Variants in FAT3 observed in about 807,000 individuals in gnomAD.
FAT3 encodes the protein protocadherin Fat 3.
In FAT3, 95 loss-of-function variants were observed where a neutral mutation model predicts 310.2. That is an observed-to-expected ratio of 0.31 (90% CI 0.26 to 0.36). The LOEUF (loss-of-function observed/expected upper bound fraction) is 0.36. FAT3 is among the 10% of genes least tolerant of loss of function. FAT3 has a pLI of 1.00. For synonymous variants in FAT3, 2,314 were observed against 2,192.9 expected, an observed-to-expected ratio of 1.06 and a Z score of -1.54; for missense variants, 5,408 against 5,715.6, an observed-to-expected ratio of 0.95 and a Z score of 1.74.
At position 92,774,052 on chromosome 11, in the gene FAT3, G is replaced by T. The variant is rs1181617988; in HGVS notation, c.4207G>T (p.Asp1403Tyr). Residue 1403 changes from aspartate (D) to tyrosine (Y), a missense_variant, in exon 7 of 28, where the codon GAC becomes TAC. Asp to Tyr is a radical substitution (Grantham distance 160). This residue lies in a region of FAT3 where 4,588 missense variants were observed against 4,809.8 expected (regional missense o/e 0.95). Transcript: ENST00000525166. ...TGTGAAATCATCAGGGGGGAATTTT[G>T]ACAGCGCTTTTGATGCAGAGAAGGG... The part of the protein sequence containing the change: ...LWFDIVGGNF[D>Y]SAFDAEKGVG... 6.2e-7 allele frequency: 1 copy of T among 1,612,784 alleles called. No homozygotes were observed. Among genetic ancestry groups the T allele is most frequent in the Non-Finnish European group, 8.5e-7 (1 of 1,179,512 alleles).
intron 1 of FAT3, among the ~76,000 whole-genome samples, chr11:92,303,164 T>C (rs555913697): frequency 6.6e-6 from 1 of 152,312 alleles, no homozygotes; most frequent in South Asian, 2.1e-4. Flanking sequence ...GTTTTAAATC[T>C]GTGCTCATTC....
intron 2 of FAT3, among the ~76,000 whole-genome samples, chr11:92,451,101 T>C (rs1389868723): frequency 6.6e-6 from 1 of 152,170 alleles, no homozygotes; most frequent in Non-Finnish European, 1.5e-5. Context: ...GTTTAGGTGA[T>C]TTTGCAAAGT....
chr11:92,681,039 T>C (rs1484321049), intron 3 of FAT3, among the ~76,000 whole-genome samples: 1 of 152,184 alleles, frequency 6.6e-6, no homozygotes, highest in African/African-American at 2.4e-5. Context: ...GCTTCAGCAA[T>C]GTTTGGAAGT....
intron 3 of FAT3, among the ~76,000 whole-genome samples, chr11:92,583,327 C>T (rs1045191497): frequency 1.3e-5 from 2 of 152,014 alleles, no homozygotes; most frequent in African/African-American, 2.4e-5. Flanking sequence ...TTGTCTTTCC[C>T]TCCTTTCTGT....
chr11:92,878,648 AAAAAAAAAAAAAAAAAAAAG>A (rs997787407), intron 22 of FAT3, among the ~76,000 whole-genome samples: 9 of 130,774 alleles, frequency 6.9e-5, no homozygotes, highest in African/African-American at 3.0e-4. Context: ...AAAAAAAAAA[AAAAAAAAAAAAAAAAAAAAG>A]CTCCGCACAA....
At position 92,251,034 on chromosome 11, in the gene FAT3, A is replaced by G. The variant is rs183844873; in HGVS notation, c.-18+25860A>G. 2.4e-3 allele frequency among the ~76,000 whole-genome samples: 362 copies of G among 152,280 alleles called. 1 individual carries two copies. Among genetic ancestry groups the G allele is most frequent in the Non-Finnish European group, 3.8e-3 (257 of 68,016 alleles). ...GTGGATCAGTCAAATTCTATGGTAC[A>G]TGTGGTGTTTTCTTAGGATACTTTT... On this transcript the variant is annotated intron_variant, in intron 1 of 27. Transcript: ENST00000525166.
At chr11:92,424,416 A>G (rs1444561261) in intron 2 of FAT3, among the ~76,000 whole-genome samples, 1 of 152,144 alleles carries the variant, frequency 6.6e-6, no homozygotes, top group Non-Finnish European at 1.5e-5. Flanking sequence ...TGGTTCTCCT[A>G]TGGACCTTGC....
At chr11:92,758,248 G>A (rs1431295557) in intron 4 of FAT3, among the ~76,000 whole-genome samples, 1 of 152,142 alleles carries the variant, frequency 6.6e-6, no homozygotes, top group African/African-American at 2.4e-5. Flanking sequence ...AGGATTGAAT[G>A]GAGATCAACA....
intron 4 of FAT3, among the ~76,000 whole-genome samples, chr11:92,699,621 G>A (rs1463549893): frequency 2.0e-5 from 3 of 152,062 alleles, no homozygotes; most frequent in Non-Finnish European, 4.4e-5. Flanking sequence ...CATTTCCTTC[G>A]AGCATCATGT....
At chr11:92,293,060 GGAAGGAA>G (rs1946735114) in intron 1 of FAT3, among the ~76,000 whole-genome samples, 1 of 104,188 alleles carries the variant, frequency 9.6e-6, no homozygotes, top group Non-Finnish European at 2.2e-5. Flanking sequence ...AAGGAAGGAA[GGAAGGAA>G]GGAAGGAAGG....
rs1948600806 is a variant in FAT3 at position 92,352,697 on chromosome 11, C to T, written c.585C>T (p.Tyr195=). ...ADIGSNGEFY[Y]YFKNKVDLFS... ...TTGGTTCCAATGGAGAATTCTACTA[C>T]TACTTTAAAAATAAAGTTGATCTCT... The change falls in exon 2 of 28, where the codon TAC becomes TAT. Residue 195 remains tyrosine, a synonymous_variant. Transcript: ENST00000525166. The T allele has an allele frequency of 1.9e-6, 3 of 1,613,682 alleles. No individual in the cohort carries two copies. The highest frequency in any genetic ancestry group is 1.3e-5 in the African/African-American group (1 of 74,920).
intron 3 of FAT3, among the ~76,000 whole-genome samples, chr11:92,649,842 C>T (rs1426440715): frequency 2.2e-5 from 3 of 139,428 alleles, no homozygotes; most frequent in Non-Finnish European, 3.1e-5. Context: ...ATTCTTTAAG[C>T]GAGCATTTGT....
intron 4 of FAT3, among the ~76,000 whole-genome samples, chr11:92,740,959 C>T (rs1342458346): frequency 6.6e-6 from 1 of 152,144 alleles, no homozygotes; most frequent in Non-Finnish European, 1.5e-5. Context: ...CTCTTCCATA[C>T]ATTTCCTTTA....
rs773994693 is a variant in FAT3 at position 92,352,077 on chromosome 11, C to T, written c.-17-19C>T. 2.4e-6 allele frequency: 3 copies of T among 1,241,842 alleles called. No homozygotes were observed. Among genetic ancestry groups the T allele is most frequent in the South Asian group, 3.1e-5 (2 of 64,278 alleles). 76.9% of individuals were successfully genotyped at this position (1,241,842 alleles called of 1,614,324 possible). A position where few individuals can be genotyped will look rare whatever the true frequency, so the allele number is the denominator to read the frequency against. On this transcript the variant is annotated intron_variant, in intron 1 of 27. Coordinates refer to ENST00000525166, the MANE Select transcript of FAT3 (RefSeq NM_001367949.2). ...AGGATGGTTAATTTATCTTTTCTCT[C>T]TCTCTTTCTTCCCTCCAGGATGGAA...
At chr11:92,471,382 GA>G (rs578019139) in intron 2 of FAT3, among the ~76,000 whole-genome samples, 228 of 152,162 alleles carry the variant, frequency 1.5e-3, no homozygotes, top group African/African-American at 5.2e-3. Flanking sequence ...TAGCTTAACA[GA>G]AAAATGGCAA....
At chr11:92,853,142 G>T (rs1291647802) in intron 19 of FAT3, among the ~76,000 whole-genome samples, 1 of 152,234 alleles carries the variant, frequency 6.6e-6, no homozygotes, top group Non-Finnish European at 1.5e-5. Flanking sequence ...TGAGGGGTGT[G>T]TGGGCCACTG....
intron 3 of FAT3, among the ~76,000 whole-genome samples, chr11:92,544,711 C>T (rs1954562822): frequency 6.6e-6 from 1 of 152,160 alleles, no homozygotes; most frequent in South Asian, 2.1e-4. Flanking sequence ...TCAGGATTCA[C>T]AAAGACTCCA....
intron 1 of FAT3, among the ~76,000 whole-genome samples, chr11:92,349,401 C>T (rs773313347): frequency 5.9e-5 from 9 of 152,166 alleles, no homozygotes; most frequent in South Asian, 4.1e-4. Context: ...ACTATTAAAG[C>T]TTCTGCTAGT....
Position 92,314,461 on chromosome 11 carries a change from A to G in FAT3, c.-17-37635A>G, listed in dbSNP as rs1947384169. The G allele has an allele frequency of 1.1e-5, 2 of 179,700 alleles. 1 individual carries two copies. Among genetic ancestry groups the G allele is most frequent in the South Asian group, 3.7e-4 (2 of 5,356 alleles). 11.1% of individuals were successfully genotyped at this position (179,700 alleles called of 1,614,324 possible). On this transcript the variant is annotated intron_variant, in intron 1 of 27. Coordinates refer to ENST00000525166, the MANE Select transcript of FAT3 (RefSeq NM_001367949.2). ...AATCTCCCGAAGCAGTAGAGGGGTA[A>G]GTATATACTGTAGGCTTTTTTGTTT...
Sources: allele counts gnomAD v4.1 joint callset (sites outside exome capture counted in the v4.1 genomes callset), GRCh38; gene constraint gnomAD v4.1.1; regional missense constraint gnomAD v4.1.1; transcripts MANE v1.5; gene names NCBI Gene and HGNC (gene_info 2026-07-23, HGNC 2026-07-21).